MAP2K4: variants seen among roughly 807,000 people sequenced by gnomAD.
MAP2K4 encodes mitogen-activated protein kinase kinase 4.
Under a neutral mutation model 48.5 loss-of-function variants are expected in MAP2K4, and 4 were observed. The ratio of observed to expected loss-of-function variants is 0.08; its 90% CI spans 0.04 to 0.19. MAP2K4 has a LOEUF of 0.19. Ranked by LOEUF, MAP2K4 falls within the 10% of genes least tolerant of loss-of-function variation. The probability of loss-of-function intolerance (pLI) is 1.00; values close to 1 mark genes in which losing one functional copy is unlikely to be tolerated. For missense variants in MAP2K4, 258 were observed against 493.3 expected, an observed-to-expected ratio of 0.52 and a Z score of 4.52; for synonymous variants, 166 against 173.1, an observed-to-expected ratio of 0.96 and a Z score of 0.32.
intron 1 of MAP2K4, among the ~76,000 whole-genome samples, chr17:12,022,478 A>G (rs1351884469): frequency 6.6e-6 from 1 of 152,196 alleles, no homozygotes; most frequent in African/African-American, 2.4e-5. Flanking sequence ...GCGAAATGAA[A>G]TGGCAAAATG....
At chr17:12,098,848 C>G (rs1464325378) in intron 4 of MAP2K4, among the ~76,000 whole-genome samples, 1 of 152,064 alleles carries the variant, frequency 6.6e-6, no homozygotes, top group Non-Finnish European at 1.5e-5. Flanking sequence ...CATCAAGGAG[C>G]TTATGAGATG....
intron 4 of MAP2K4, among the ~76,000 whole-genome samples, chr17:12,103,718 T>C (rs191555340): frequency 6.6e-6 from 1 of 152,256 alleles, no homozygotes; most frequent in Admixed American, 6.5e-5. Context: ...TTACATAATA[T>C]CGCTTTATGT....
At chr17:12,113,633 A>G (rs1037687729) in intron 7 of MAP2K4, among the ~76,000 whole-genome samples, 20 of 152,084 alleles carry the variant, frequency 1.3e-4, no homozygotes, top group African/African-American at 4.6e-4. Flanking sequence ...ATTGAACTCA[A>G]CTCATTAAAC....
intron 2 of MAP2K4, among the ~76,000 whole-genome samples, chr17:12,075,432 T>C (rs1462072198): frequency 6.6e-6 from 1 of 152,138 alleles, no homozygotes; most frequent in Non-Finnish European, 1.5e-5. Context: ...TGTAAATTCA[T>C]AAACACAAGG....
intron 1 of MAP2K4, among the ~76,000 whole-genome samples, chr17:12,030,759 TTCTC>T (rs1317694348): frequency 6.6e-6 from 1 of 152,190 alleles, no homozygotes; most frequent in Non-Finnish European, 1.5e-5. Flanking sequence ...TGTTCACCTC[TTCTC>T]TCTCCTTTTC....
intron 3 of MAP2K4, among the ~76,000 whole-genome samples, chr17:12,088,192 C>G (rs1391830028): frequency 6.6e-6 from 1 of 151,954 alleles, no homozygotes; most frequent in Non-Finnish European, 1.5e-5. Flanking sequence ...GTGATCCTTG[C>G]TCTCCTATCC....
At chr17:12,032,921 C>T (rs1309555286) in intron 1 of MAP2K4, among the ~76,000 whole-genome samples, 1 of 152,086 alleles carries the variant, frequency 6.6e-6, no homozygotes, top group Admixed American at 6.6e-5. Context: ...TTCACTGCAG[C>T]CTTGACCTCC....
At chr17:12,027,444 G>A (rs1969288661) in intron 1 of MAP2K4, among the ~76,000 whole-genome samples, 2 of 151,718 alleles carry the variant, frequency 1.3e-5, no homozygotes, top group African/African-American at 4.8e-5. Flanking sequence ...TGAAAAACGA[G>A]GAATCAAGAA....
chr17:12,029,839 G>A (rs920638404), intron 1 of MAP2K4, among the ~76,000 whole-genome samples: 1 of 151,674 alleles, frequency 6.6e-6, no homozygotes, highest in Non-Finnish European at 1.5e-5. Flanking sequence ...GATTGCTTGA[G>A]CCCAGGAGTT....
rs1389291541 is a variant in MAP2K4, at chr17:12,142,407, C to T, written c.*1147C>T. Reference sequence around the variant, plus strand: ...GTCTATTGTCGCTATGTGACTTGCGCTTAATCCAATATTTTGCCTTTTTTC... The same window carrying T: ...GTCTATTGTCGCTATGTGACTTGCGTTTAATCCAATATTTTGCCTTTTTTC... On this transcript the variant is annotated 3_prime_UTR_variant, in exon 11 of 11. Coordinates refer to ENST00000353533, the MANE Select transcript of MAP2K4 (RefSeq NM_003010.4). 4.3e-6 allele frequency: 1 copy of T among 233,018 alleles called. No individual in the cohort carries two copies. Among genetic ancestry groups the T allele is most frequent in the Admixed American group, 5.6e-5 (1 of 17,762 alleles). The allele number at this position is 233,018 out of a possible 1,614,324, so 14.4% of individuals were successfully genotyped here. A position where few individuals can be genotyped will look rare whatever the true frequency, so the allele number is the denominator to read the frequency against.
chr17:12,097,306 C>G (rs1302220356), intron 4 of MAP2K4, among the ~76,000 whole-genome samples: 1 of 152,136 alleles, frequency 6.6e-6, no homozygotes, highest in East Asian at 1.9e-4. Flanking sequence ...ATAGACTTTC[C>G]CCAGCTCTGC....
chr17:12,119,469 T>TA (rs1268977437), intron 7 of MAP2K4, among the ~76,000 whole-genome samples: 1 of 152,136 alleles, frequency 6.6e-6, no homozygotes, highest in African/African-American at 2.4e-5. Flanking sequence ...GAATGGCTGT[T>TA]AAAAAATGTC....
chr17:12,091,251 T>G (rs1271202042), intron 3 of MAP2K4, among the ~76,000 whole-genome samples: 1 of 152,244 alleles, frequency 6.6e-6, no homozygotes, highest in Non-Finnish European at 1.5e-5. Context: ...AACATTTAAA[T>G]CTACCAATGA....
intron 2 of MAP2K4, among the ~76,000 whole-genome samples, chr17:12,064,536 C>A (rs1231905782): frequency 6.6e-6 from 1 of 152,198 alleles, no homozygotes; most frequent in Non-Finnish European, 1.5e-5. Context: ...CACTACACTT[C>A]CACCCGAAGG....
chr17:12,055,265 C>T (rs1000673777), intron 2 of MAP2K4, among the ~76,000 whole-genome samples: 2 of 152,068 alleles, frequency 1.3e-5, no homozygotes, highest in Non-Finnish European at 1.5e-5. Context: ...ATTTCTATGT[C>T]ATAGTAAATT....
chr17:12,116,972 A>G (rs1468437552), intron 7 of MAP2K4, among the ~76,000 whole-genome samples: 3 of 152,180 alleles, frequency 2.0e-5, no homozygotes, highest in Non-Finnish European at 2.9e-5. Context: ...TATGAGGGCT[A>G]TGGTGTCATT....
At chr17:12,021,332 G>C (rs370033387) in intron 1 of MAP2K4, 2 of 168,854 alleles carry the variant, frequency 1.2e-5, no homozygotes, top group Admixed American at 1.3e-4. Context: ...CCTGGCGCCC[G>C]CCCGGCCCCC....
At chr17:12,022,560 GTTTGT>G (rs1484427002) in intron 1 of MAP2K4, among the ~76,000 whole-genome samples, 1 of 152,170 alleles carries the variant, frequency 6.6e-6, no homozygotes, top group Admixed American at 6.5e-5. Flanking sequence ...TGATTTGTTT[GTTTGT>G]TTTATTGGTG....
intron 2 of MAP2K4, among the ~76,000 whole-genome samples, chr17:12,058,227 CTTTT>C (rs144800120): frequency 3.8e-5 from 5 of 130,074 alleles, no homozygotes; most frequent in Admixed American, 1.5e-4. Context: ...CTAGACCTTT[CTTTT>C]TTTTTTTTTT....
Sources: allele counts gnomAD v4.1 joint callset (sites outside exome capture counted in the v4.1 genomes callset), GRCh38; gene constraint gnomAD v4.1.1; transcripts MANE v1.5; gene names NCBI Gene and HGNC (gene_info 2026-07-23, HGNC 2026-07-21).